The following RELN variants were observed in gnomAD, a reference collection of about 807,000 sequenced individuals.
RELN encodes the protein reelin.
RELN carries 108 observed loss-of-function variants against 427.6 expected under a neutral mutation model. The ratio of observed to expected loss-of-function variants is 0.25; its 90% CI spans 0.22 to 0.30. The LOEUF is 0.30. RELN is among the 10% of genes least tolerant of loss of function. RELN has a pLI of 1.00. For missense variants in RELN, 3,715 were observed against 4,302.8 expected (o/e 0.86, Z 3.82); for synonymous variants, 1,524 against 1,513.4 (o/e 1.01, Z -0.16).
intron 4 of RELN, among the ~76,000 whole-genome samples, chr7:103,768,410 G>T (rs1284977299): frequency 1.3e-5 from 2 of 151,838 alleles, no homozygotes; most frequent in African/African-American, 4.8e-5. Flanking sequence ...AACATTAAGG[G>T]GACTCCTTAC....
chr7:103,523,334 C>G, intron 47 of RELN, 57 bp downstream of exon 47: 14 of 1,607,772 alleles, frequency 8.7e-6, no homozygotes, highest in African/African-American at 1.3e-5. Flanking sequence ...AGAAAAATCT[C>G]CTAGATGGAA....
At chr7:103,576,091 C>A (rs1185327815) in intron 28 of RELN, among the ~76,000 whole-genome samples, 1 of 152,110 alleles carries the variant, frequency 6.6e-6, no homozygotes, top group Non-Finnish European at 1.5e-5. Flanking sequence ...AGTAGCCGGG[C>A]GTGGTGGCAC....
chr7:103,932,631 G>C (rs73715910), intron 1 of RELN, among the ~76,000 whole-genome samples: 1 of 152,096 alleles, frequency 6.6e-6, no homozygotes, highest in Non-Finnish European at 1.5e-5. Flanking sequence ...GCACCTATTC[G>C]TTGGCTTTGG....
At position 103,840,051 on chromosome 7, in the gene RELN, C is replaced by T. The variant is rs138109647; in HGVS notation, c.338-6379G>A. 1.7e-3 allele frequency among the ~76,000 whole-genome samples: 264 copies of T among 152,332 alleles called. 1 individual carries two copies. Among genetic ancestry groups the T allele is most frequent in the African/African-American group, 6.1e-3 (252 of 41,570 alleles). ...CCATATGAAAACATACTTGCTTCCC[C>T]TTCACCATCCACCATGATTGTAAGT... is the stretch of plus-strand genomic sequence containing the variant. On this transcript the variant is annotated intron_variant, in intron 2 of 64. Coordinates refer to ENST00000428762, the MANE Select transcript of RELN (RefSeq NM_005045.4).
At chr7:103,764,632 T>C (rs1232016315) in intron 4 of RELN, among the ~76,000 whole-genome samples, 1 of 151,242 alleles carries the variant, frequency 6.6e-6, no homozygotes, top group Non-Finnish European at 1.5e-5. Flanking sequence ...GATCAAGAGA[T>C]TGAGACCATC....
intron 10 of RELN, among the ~76,000 whole-genome samples, chr7:103,697,161 TG>T (rs1326380694): frequency 1.3e-5 from 2 of 152,166 alleles, no homozygotes; most frequent in Non-Finnish European, 2.9e-5. Context: ...GGCCACTTTC[TG>T]GTTCTCAATG....
intron 21 of RELN, among the ~76,000 whole-genome samples, chr7:103,611,260 C>G (rs773845762): frequency 4.6e-5 from 7 of 152,112 alleles, no homozygotes; most frequent in Non-Finnish European, 1.0e-4. Flanking sequence ...TTAATATGGT[C>G]TACCTATAGG....
chr7:103,770,458 T>G (rs1178129165), intron 4 of RELN, among the ~76,000 whole-genome samples: 2 of 152,170 alleles, frequency 1.3e-5, no homozygotes, highest in Admixed American at 6.5e-5. Context: ...CCCCATGGTT[T>G]GCCTTCTCCC....
intron 2 of RELN, among the ~76,000 whole-genome samples, chr7:103,865,723 A>G (rs949831616): frequency 6.6e-6 from 1 of 152,180 alleles, no homozygotes; most frequent in African/African-American, 2.4e-5. Context: ...AACTCTCAAA[A>G]AACTACGTAC....
chr7:103,817,038 G>A (rs1252957002), intron 3 of RELN, among the ~76,000 whole-genome samples: 2 of 152,026 alleles, frequency 1.3e-5, no homozygotes, highest in African/African-American at 4.8e-5. Context: ...TTTTAGTAGA[G>A]ACGGGATTTC....
chr7:103,483,005 C>A (rs1229940493), intron 62 of RELN, 34 bp from the exon 63 acceptor site: 1 of 1,570,620 alleles, frequency 6.4e-7, no homozygotes, highest in Admixed American at 1.7e-5. Context: ...AGAAGTTATA[C>A]ATTAGGAAAC....
chr7:103,721,775 T>G (rs1188427709), intron 8 of RELN, among the ~76,000 whole-genome samples: 5 of 152,160 alleles, frequency 3.3e-5, no homozygotes, highest in Admixed American at 3.3e-4. Flanking sequence ...GAACAAGTAC[T>G]CAGAATACTG....
chr7:103,895,177 G>A lies in RELN; in HGVS notation c.337+21898C>T, dbSNP rs539619020. ...AAAACAGTGTTTCTTTCCAATTATCGCAGAACTCAGTGATTATTTAAACTT... is the reference window on the plus strand; with the variant it reads ...AAAACAGTGTTTCTTTCCAATTATCACAGAACTCAGTGATTATTTAAACTT... On this transcript the variant is annotated intron_variant, in intron 2 of 64. Coordinates refer to ENST00000428762, the MANE Select transcript of RELN (RefSeq NM_005045.4). Among the ~76,000 whole-genome samples, 75 of 152,026 alleles carry A rather than the reference G, an allele frequency of 4.9e-4. 1 individual carries two copies. Among genetic ancestry groups the A allele is most frequent in the Non-Finnish European group, 8.1e-4 (55 of 67,956 alleles).
intron 49 of RELN, among the ~76,000 whole-genome samples, chr7:103,516,278 C>A (rs1166007849): frequency 7.2e-6 from 1 of 139,736 alleles, no homozygotes; most frequent in Admixed American, 7.2e-5. Context: ...ATCCTCCTCA[C>A]AAAGTATCTT....
At chr7:103,885,165 C>A (rs1182589966) in intron 2 of RELN, among the ~76,000 whole-genome samples, 1 of 151,932 alleles carries the variant, frequency 6.6e-6, no homozygotes, top group Non-Finnish European at 1.5e-5. Context: ...CGGTGAAACC[C>A]CATCTCTACT....
intron 2 of RELN, among the ~76,000 whole-genome samples, chr7:103,880,534 T>A (rs2116558210): frequency 6.6e-6 from 1 of 152,256 alleles, no homozygotes; most frequent in South Asian, 2.1e-4. Context: ...TATCGCTGTG[T>A]ATAGTGATTA....
chr7:103,832,421 CA>C (rs942771021), intron 3 of RELN, among the ~76,000 whole-genome samples: 4 of 147,280 alleles, frequency 2.7e-5, no homozygotes, highest in African/African-American at 5.4e-5. Context: ...AACAAAAACA[CA>C]AAAAAAACAA....
chr7:103,762,360 C>T (rs1483996173), intron 4 of RELN, among the ~76,000 whole-genome samples: 3 of 152,224 alleles, frequency 2.0e-5, no homozygotes, highest in Admixed American at 6.5e-5. Context: ...AACCCACCCA[C>T]ATGTTGAAGT....
At chr7:103,681,027 C>G (rs12705139) in intron 11 of RELN, among the ~76,000 whole-genome samples, 80,464 of 151,872 alleles carry the variant, frequency 0.53, 21,730 homozygotes, top group African/African-American at 0.62. Flanking sequence ...GAGTTTGACA[C>G]TGAAAGACCC....
Sources: allele counts gnomAD v4.1 joint callset (sites outside exome capture counted in the v4.1 genomes callset), GRCh38; gene constraint gnomAD v4.1.1; transcripts MANE v1.5; gene names NCBI Gene and HGNC (gene_info 2026-07-23, HGNC 2026-07-21).